KCNH1: variants seen among roughly 807,000 people sequenced by gnomAD.
KCNH1 encodes the protein voltage-gated delayed rectifier potassium channel KCNH1.
KCNH1 carries 27 observed loss-of-function variants against 69.2 expected under a neutral mutation model. The observed-to-expected ratio is 0.39, with a 90% CI of 0.29 to 0.54. The LOEUF is 0.54. KCNH1 is among the 20% of genes least tolerant of loss of function. KCNH1 has a pLI of 0.68. For synonymous variants in KCNH1, 456 were observed against 487.7 expected (o/e 0.93, Z 0.86); for missense variants, 798 against 1,261.6 (o/e 0.63, Z 5.57).
intron 5 of KCNH1, among the ~76,000 whole-genome samples, chr1:211,067,962 G>C (rs571746259): frequency 3.7e-4 from 57 of 152,318 alleles, no homozygotes; most frequent in South Asian, 1.0e-3. Context: ...ACAGAATGTG[G>C]TACACAGTAC....
chr1:210,933,152 G>A (rs1398932032), intron 6 of KCNH1, among the ~76,000 whole-genome samples: 1 of 152,164 alleles, frequency 6.6e-6, no homozygotes, highest in Non-Finnish European at 1.5e-5. Context: ...AGAAAATGTG[G>A]CACATATACA....
chr1:211,027,033 A>C (rs1430272202), intron 5 of KCNH1, among the ~76,000 whole-genome samples: 1 of 152,210 alleles, frequency 6.6e-6, no homozygotes, highest in African/African-American at 2.4e-5. Context: ...CCCAAATGCC[A>C]AACTTTCAAT....
At chr1:211,059,250 AGCCTGG>A (rs1690376169) in intron 5 of KCNH1, among the ~76,000 whole-genome samples, 2 of 151,622 alleles carry the variant, frequency 1.3e-5, no homozygotes, top group South Asian at 4.2e-4. Flanking sequence ...ACTATACTCC[AGCCTGG>A]GCAACAGAGC....
At chr1:210,831,652 G>A (rs998979049) in intron 7 of KCNH1, among the ~76,000 whole-genome samples, 2 of 152,150 alleles carry the variant, frequency 1.3e-5, no homozygotes, top group African/African-American at 2.4e-5. Context: ...ATTCCTAATA[G>A]GGTAACCAAG....
intron 9 of KCNH1, among the ~76,000 whole-genome samples, chr1:210,778,623 C>T (rs1315811681): frequency 2.6e-5 from 4 of 152,060 alleles, no homozygotes; most frequent in Non-Finnish European, 5.9e-5. Context: ...TCCCCCACTT[C>T]CTTCCCTGAA....
chr1:210,927,527 A>G (rs927487695), intron 6 of KCNH1, among the ~76,000 whole-genome samples: 1 of 152,168 alleles, frequency 6.6e-6, no homozygotes, highest in Non-Finnish European at 1.5e-5. Flanking sequence ...AATTCACCAC[A>G]ACCAAGCCAT....
At chr1:211,114,304 A>G (rs1691527850) in intron 1 of KCNH1, among the ~76,000 whole-genome samples, 1 of 152,104 alleles carries the variant, frequency 6.6e-6, no homozygotes, top group African/African-American at 2.4e-5. Context: ...TGCAATCTGA[A>G]CCCACCCAGA....
rs1265969943 is a variant in KCNH1 at position 210,709,722 on chromosome 1, AAGAGAGAGAGAGAGAGAGAAAGAGAGAG to A, written c.2113-25612_2113-25585del. Among the ~76,000 whole-genome samples, 5 of 100,104 alleles carry A rather than the reference AAGAGAGAGAGAGAGAGAGAAAGAGAGAG, an allele frequency of 5.0e-5. No individual in the cohort carries two copies. The East Asian group carries it at 8.9e-4, about 18-fold the overall frequency. The allele number at this position is 100,104 out of a possible 152,430, so 65.7% of individuals were successfully genotyped here. On this transcript the variant is annotated intron_variant, in intron 10 of 10. Transcript: ENST00000271751. ...GAAAAAGAAAGAGAAAGAAAGAAAG[AAGAGAGAGAGAGAGAGAGAAAGAGAGAG>A]AGAGAGAGAGAGAGAAATGATAGCT...
chr1:211,031,049 C>T (rs1689774161), intron 5 of KCNH1, among the ~76,000 whole-genome samples: 1 of 152,060 alleles, frequency 6.6e-6, no homozygotes, highest in African/African-American at 2.4e-5. Context: ...TATTACTACA[C>T]ACCTATTAAA....
chr1:210,885,099 C>T (rs191663214), intron 7 of KCNH1, among the ~76,000 whole-genome samples: 1 of 152,312 alleles, frequency 6.6e-6, no homozygotes, highest in Non-Finnish European at 1.5e-5. Context: ...AGAATCTGAC[C>T]ATAAACCCGT....
chr1:211,094,287 G>A (rs995164457), intron 3 of KCNH1, among the ~76,000 whole-genome samples: 1 of 152,164 alleles, frequency 6.6e-6, no homozygotes, highest in Admixed American at 6.5e-5. Flanking sequence ...GATCTGACAG[G>A]AGGTGGAGCT....
intron 5 of KCNH1, among the ~76,000 whole-genome samples, chr1:211,045,412 T>C (rs1690080491): frequency 6.6e-6 from 1 of 150,894 alleles, no homozygotes; most frequent in Non-Finnish European, 1.5e-5. Context: ...CAATAACCTA[T>C]GGAAATAAAA....
intron 6 of KCNH1, among the ~76,000 whole-genome samples, chr1:210,941,866 G>C (rs1368625719): frequency 1.3e-5 from 2 of 152,140 alleles, no homozygotes; most frequent in Admixed American, 1.3e-4. Context: ...CCTTTATACT[G>C]TTTATGGTTT....
rs370619024 is a variant in KCNH1, at chr1:210,962,646, T to C, written c.1033-42577A>G. 5.3e-5 allele frequency among the ~76,000 whole-genome samples: 8 copies of C among 151,998 alleles called. No homozygotes were observed. In the East Asian group the frequency reaches 9.7e-4, roughly 18 times the overall value. On this transcript the variant is annotated intron_variant, in intron 6 of 10. Transcript: ENST00000271751. ...GTGAATATACCACCCAATGGAATTT[T>C]ATTTCATATTGATGGAGATCTGGGT...
At chr1:210,934,571 G>A (rs983369510) in intron 6 of KCNH1, among the ~76,000 whole-genome samples, 9 of 152,022 alleles carry the variant, frequency 5.9e-5, no homozygotes, top group Admixed American at 2.6e-4. Flanking sequence ...ACCAGGAGGC[G>A]GAGGTTGCAG....
At chr1:211,014,305 C>T (rs1481374894) in intron 6 of KCNH1, among the ~76,000 whole-genome samples, 1 of 152,232 alleles carries the variant, frequency 6.6e-6, no homozygotes, top group Non-Finnish European at 1.5e-5. Context: ...TATTTAGCTT[C>T]TGCTTTGACA....
rs560331895 is a variant in KCNH1 at position 211,021,349 on chromosome 1, C to A, written c.559-2093G>T. Among the ~76,000 whole-genome samples the A allele has an allele frequency of 5.3e-5, 8 of 152,182 alleles. No homozygotes were observed. The East Asian group carries it at 1.5e-3, about 29-fold the overall frequency. On this transcript the variant is annotated intron_variant, in intron 5 of 10. Coordinates refer to ENST00000271751, the MANE Select transcript of KCNH1 (RefSeq NM_172362.3). ...AATAAAAAAGACCTTACTTGATAAA[C>A]CCACAGCTCACATCATACTGAATAG...
At chr1:210,922,183 C>T (rs1477685004) in intron 6 of KCNH1, among the ~76,000 whole-genome samples, 3 of 151,750 alleles carry the variant, frequency 2.0e-5, no homozygotes. Flanking sequence ...AGATCGAGAC[C>T]ATCCTGGCTA....
intron 1 of KCNH1, among the ~76,000 whole-genome samples, chr1:211,132,327 T>G (rs796447014): frequency 6.6e-6 from 1 of 152,234 alleles, no homozygotes; most frequent in African/African-American, 2.4e-5. Flanking sequence ...ACTCCAGCTT[T>G]TTTATGGCAA....
Sources: gnomAD v4.1 joint callset for allele counts (sites outside exome capture counted in the v4.1 genomes callset) on GRCh38, gnomAD v4.1.1 for gene constraint, MANE v1.5 for transcripts, NCBI Gene and HGNC (gene_info 2026-07-23, HGNC 2026-07-21) for gene names.